MITF: variants seen among roughly 807,000 people sequenced by gnomAD.
MITF encodes microphthalmia-associated transcription factor.
MITF carries 17 observed loss-of-function variants against 60.5 expected under a neutral mutation model. The observed-to-expected ratio is 0.28, with a 90% CI of 0.19 to 0.42. The LOEUF (loss-of-function observed/expected upper bound fraction) is 0.42. Ranked by LOEUF, MITF falls within the 10% of genes least tolerant of loss-of-function variation. The probability of loss-of-function intolerance (pLI) is 1.00; values close to 1 mark genes in which losing one functional copy is unlikely to be tolerated. For synonymous variants in MITF, 260 were observed against 248.5 expected, an observed-to-expected ratio of 1.05 and a Z score of -0.43; for missense variants, 622 against 683.5, an observed-to-expected ratio of 0.91 and a Z score of 1.00.
chr3:69,879,088 T>C, intron 1 of MITF, 46 bp from the exon 2 acceptor site: 1 of 1,532,384 alleles, frequency 6.5e-7, no homozygotes, highest in East Asian at 2.3e-5. Context: ...AAACGAAGGG[T>C]CTCATTAGGA....
At chr3:69,760,260 C>A (rs1248634858) in intron 1 of MITF, among the ~76,000 whole-genome samples, 1 of 152,082 alleles carries the variant, frequency 6.6e-6, no homozygotes, top group African/African-American at 2.4e-5. Flanking sequence ...AGATTATGGA[C>A]CATTGCTGAA....
At chr3:69,849,308 C>A (rs2063787679) in intron 1 of MITF, among the ~76,000 whole-genome samples, 1 of 152,158 alleles carries the variant, frequency 6.6e-6, no homozygotes, top group Non-Finnish European at 1.5e-5. Context: ...ATGAATGAAG[C>A]AGGATGGCCT....
intron 2 of MITF, among the ~76,000 whole-genome samples, chr3:69,921,057 A>G (rs1050608075): frequency 2.6e-5 from 4 of 152,166 alleles, no homozygotes; most frequent in African/African-American, 9.7e-5. Context: ...TTTAGTAGAG[A>G]CAGGGTTTCA....
intron 1 of MITF, among the ~76,000 whole-genome samples, chr3:69,857,019 A>G (rs1262235420): frequency 6.6e-6 from 1 of 152,080 alleles, no homozygotes; most frequent in African/African-American, 2.4e-5. Context: ...TGGTCAATTA[A>G]TTAATCATTT....
At chr3:69,865,307 G>T (rs2064091661) in intron 1 of MITF, among the ~76,000 whole-genome samples, 1 of 152,156 alleles carries the variant, frequency 6.6e-6, no homozygotes, top group Non-Finnish European at 1.5e-5. Flanking sequence ...GAAGTAACTT[G>T]CCCAGTGTAT....
At chr3:69,879,098 A>G (rs578040764) in intron 1 of MITF, 36 bp from the exon 2 acceptor site, 1 of 1,585,242 alleles carries the variant, frequency 6.3e-7, no homozygotes, top group African/African-American at 1.3e-5. Flanking sequence ...TCTCATTAGG[A>G]AACTAAATGT....
chr3:69,899,293 A>G (rs555241842), intron 2 of MITF, among the ~76,000 whole-genome samples: 1 of 152,332 alleles, frequency 6.6e-6, no homozygotes, highest in Admixed American at 6.5e-5. Context: ...ATGTGTGAAG[A>G]GCAGTGATGA....
At chr3:69,816,207 C>A (rs1436616785) in intron 1 of MITF, among the ~76,000 whole-genome samples, 1 of 152,144 alleles carries the variant, frequency 6.6e-6, no homozygotes, top group South Asian at 2.1e-4. Flanking sequence ...CTCAGGGACA[C>A]ACCTAGAAAG....
rs1703452239 is a variant in MITF at position 69,739,683 on chromosome 3, G to T, written c.86G>T (p.Ser29Ile). 1 of 1,574,338 alleles carries T rather than the reference G, an allele frequency of 6.4e-7. No homozygotes were observed. Among genetic ancestry groups the T allele is most frequent in the Non-Finnish European group, 8.6e-7 (1 of 1,157,966 alleles). Residue 29 changes from serine to isoleucine, a missense_variant, in exon 1 of 10, where the codon AGT becomes ATT. Physicochemically the swap from Ser to Ile is moderately radical, Grantham distance 142 (BLOSUM62 -2). Coordinates refer to ENST00000352241, the MANE Select transcript of MITF (RefSeq NM_001354604.2). The part of the protein sequence containing the change: ...EEPKTYYELK[S>I]QPLKSSSSAE... Reference sequence around the variant, plus strand: ...CCCAAAACCTATTACGAACTCAAAAGTCAACCGCTGAAGAGCAGGTGAGTG... The same window carrying T: ...CCCAAAACCTATTACGAACTCAAAATTCAACCGCTGAAGAGCAGGTGAGTG...
chr3:69,906,871 C>T (rs1261864417), intron 2 of MITF, among the ~76,000 whole-genome samples: 1 of 152,118 alleles, frequency 6.6e-6, no homozygotes. Flanking sequence ...TAGGAGCTGT[C>T]AACGCACTCC....
chr3:69,787,578 A>T (rs1242575599), intron 1 of MITF, among the ~76,000 whole-genome samples: 1 of 152,210 alleles, frequency 6.6e-6, no homozygotes, highest in African/African-American at 2.4e-5. Flanking sequence ...TTTGTAAAGC[A>T]TTAAGTTGAA....
At chr3:69,943,616 C>T (rs538304829) in intron 5 of MITF, among the ~76,000 whole-genome samples, 3 of 151,840 alleles carry the variant, frequency 2.0e-5, no homozygotes, top group Non-Finnish European at 4.4e-5. Flanking sequence ...TTCACTGAGC[C>T]CCTATAATGT....
chr3:69,778,256 TATTA>T lies in MITF; in HGVS notation c.104+38559_104+38562del, dbSNP rs1433133914. 1.1e-4 allele frequency among the ~76,000 whole-genome samples: 16 copies of T among 152,142 alleles called. No individual in the cohort carries two copies. In the East Asian group the frequency reaches 2.9e-3, roughly 28 times the overall value. Reference sequence around the variant, plus strand: ...GACAAAACAGATTGGGGAGGATGAATATTAATTCTTCCTCCTATATGTGGTAGAG... The same window carrying T: ...GACAAAACAGATTGGGGAGGATGAATATTCTTCCTCCTATATGTGGTAGAG... On this transcript the variant is annotated intron_variant, in intron 1 of 9. Transcript: ENST00000352241.
chr3:69,884,886 A>G (rs1273378836), intron 2 of MITF, among the ~76,000 whole-genome samples: 2 of 152,204 alleles, frequency 1.3e-5, no homozygotes, highest in African/African-American at 4.8e-5. Context: ...GAGACCAACT[A>G]TCTGAAACAA....
At chr3:69,769,848 A>G (rs1239469687) in intron 1 of MITF, 3 of 152,230 alleles carry the variant, frequency 2.0e-5, no homozygotes, top group Non-Finnish European at 4.4e-5. Flanking sequence ...AAAATCCAGA[A>G]TGTCCAGTTA....
chr3:69,948,284 AG>A (rs1309217397), intron 5 of MITF, among the ~76,000 whole-genome samples: 1 of 152,160 alleles, frequency 6.6e-6, no homozygotes, highest in Non-Finnish European at 1.5e-5. Flanking sequence ...GCAACCAGCT[AG>A]TTACCAAGAA....
chr3:69,761,678 G>A (rs558410217), intron 1 of MITF, among the ~76,000 whole-genome samples: 1 of 152,224 alleles, frequency 6.6e-6, no homozygotes, highest in Non-Finnish European at 1.5e-5. Context: ...CAGCATGCCT[G>A]TCTGCATAGT....
chr3:69,890,187 T>G (rs1316995365), intron 2 of MITF, among the ~76,000 whole-genome samples: 1 of 152,154 alleles, frequency 6.6e-6, no homozygotes, highest in East Asian at 1.9e-4. Context: ...ACATATCTTA[T>G]GTATGGTTGA....
At chr3:69,796,606 A>G (rs955992846) in intron 1 of MITF, among the ~76,000 whole-genome samples, 1 of 143,872 alleles carries the variant, frequency 7.0e-6, no homozygotes, top group Admixed American at 7.3e-5. Flanking sequence ...TCCCGGGTTC[A>G]CGCCATTCTG....
Sources: gnomAD v4.1 joint callset for allele counts (sites outside exome capture counted in the v4.1 genomes callset) on GRCh38, gnomAD v4.1.1 for gene constraint, MANE v1.5 for transcripts, NCBI Gene and HGNC (gene_info 2026-07-23, HGNC 2026-07-21) for gene names.